DNAJB6: variants seen among roughly 807,000 people sequenced by gnomAD.
DNAJB6 encodes the protein dnaJ homolog subfamily B member 6.
Under a neutral mutation model 42.7 loss-of-function variants are expected in DNAJB6, and 16 were observed. The ratio of observed to expected loss-of-function variants is 0.37; its 90% CI spans 0.25 to 0.57. The LOEUF is 0.57. DNAJB6 is among the 20% of genes least tolerant of loss of function. DNAJB6 has a pLI of 0.74. For missense variants in DNAJB6, 347 were observed against 416.8 expected (o/e 0.83, Z 1.46); for synonymous variants, 170 against 163.5 (o/e 1.04, Z -0.30).
At chr7:157,385,802 A>T (rs1351534298) in intron 8 of DNAJB6, 191 bp downstream of exon 8, 3 of 1,343,534 alleles carry the variant, frequency 2.2e-6, no homozygotes, top group Non-Finnish European at 2.9e-6. Flanking sequence ...TATTTGTCAT[A>T]GACTTTTGAG....
chr7:157,369,242 A>G (rs577910231), intron 5 of DNAJB6: 18 of 456,476 alleles, frequency 3.9e-5, no homozygotes, highest in East Asian at 2.8e-4. Context: ...TCCTTCATCA[A>G]CCCTCACAGG....
intron 8 of DNAJB6, among the ~76,000 whole-genome samples, chr7:157,405,050 T>C (rs995792470): frequency 2.6e-5 from 4 of 152,156 alleles, no homozygotes; most frequent in African/African-American, 7.2e-5. Flanking sequence ...ACTGCAGGCA[T>C]GTTGAGCGCC....
At chr7:157,346,836 T>C (rs1334920225) in intron 1 of DNAJB6, among the ~76,000 whole-genome samples, 1 of 152,214 alleles carries the variant, frequency 6.6e-6, no homozygotes, top group Non-Finnish European at 1.5e-5. Context: ...TTTCTCTTTC[T>C]AGACCTTCAG....
At chr7:157,339,601 TTGTGTGTGTGTGTGTGTGTGTGTGTG>T (rs59577692) in intron 1 of DNAJB6, among the ~76,000 whole-genome samples, 3 of 122,326 alleles carry the variant, frequency 2.5e-5, no homozygotes, top group African/African-American at 9.3e-5. Flanking sequence ...GCCCGGCCTT[TTGTGTGTGTGTGTGTGTGTGTGTGTG>T]TGTGTGTGTG....
intron 6 of DNAJB6, among the ~76,000 whole-genome samples, chr7:157,383,887 T>G (rs1012220660): frequency 6.6e-6 from 1 of 152,226 alleles, no homozygotes; most frequent in African/African-American, 2.4e-5. Flanking sequence ...GTATTTCCAA[T>G]TGAAATATTT....
At chr7:157,359,710 TC>T (rs1359347478) in intron 2 of DNAJB6, among the ~76,000 whole-genome samples, 2 of 152,126 alleles carry the variant, frequency 1.3e-5, no homozygotes, top group African/African-American at 4.8e-5. Context: ...TCCCAACTGC[TC>T]CAGAGGCTGA....
chr7:157,407,100 G>T (rs370524982), intron 8 of DNAJB6, among the ~76,000 whole-genome samples: 5 of 151,566 alleles, frequency 3.3e-5, no homozygotes, highest in South Asian at 2.1e-4. Flanking sequence ...GCTGGGAGGT[G>T]GGGGGGGTCC....
chr7:157,415,971 A>AG, intron 9 of DNAJB6, 45 bp from the exon 10 acceptor site: 6 of 1,611,656 alleles, frequency 3.7e-6, no homozygotes, highest in Non-Finnish European at 5.1e-6. Context: ...TTGCTGGGGA[A>AG]GCAGTGCTGT....
At chr7:157,376,015 G>A (rs750169504) in intron 5 of DNAJB6, among the ~76,000 whole-genome samples, 27 of 152,258 alleles carry the variant, frequency 1.8e-4, no homozygotes, top group Non-Finnish European at 3.5e-4. Flanking sequence ...GGCCTCTCCT[G>A]GGCCGCGGCT....
At chr7:157,356,662 A>T (rs1193105664) in intron 1 of DNAJB6, among the ~76,000 whole-genome samples, 2 of 152,208 alleles carry the variant, frequency 1.3e-5, no homozygotes, top group African/African-American at 4.8e-5. Context: ...TTAATATTTT[A>T]TCTTTGTTTT....
At chr7:157,385,147 A>G (rs1800990411) in intron 7 of DNAJB6, 139 bp downstream of exon 7, 1 of 864,432 alleles carries the variant, frequency 1.2e-6, no homozygotes, top group African/African-American at 1.7e-5. Flanking sequence ...TTGCTCTCCA[A>G]ATTCATTAAT....
In DNAJB6 at chr7:157,366,675, C is replaced by T. The variant is rs1237102649; in HGVS notation, c.235+114C>T. On this transcript the variant is annotated intron_variant, in intron 4 of 9. Coordinates refer to ENST00000262177, the MANE Select transcript of DNAJB6 (RefSeq NM_058246.4). ...TTTGTATCAGTAAATAGAGATGCAACGTAGAAAGCGAACTAAATTGGGGAG... is the reference window on the plus strand; with the variant it reads ...TTTGTATCAGTAAATAGAGATGCAATGTAGAAAGCGAACTAAATTGGGGAG... 1.1e-5 allele frequency: 10 copies of T among 928,296 alleles called. No homozygotes were observed. In the East Asian group the frequency reaches 1.5e-4, roughly 14 times the overall value. The allele number at this position is 928,296 out of a possible 1,614,324, so 57.5% of individuals were successfully genotyped here.
rs187925329 is a variant in DNAJB6 at position 157,348,319 on chromosome 7, C to T, written c.-26-10228C>T. 7.8e-4 allele frequency among the ~76,000 whole-genome samples: 119 copies of T among 152,272 alleles called. 1 individual carries two copies. Among genetic ancestry groups the T allele is most frequent in the African/African-American group, 2.8e-3 (115 of 41,556 alleles). Reference sequence around the variant, plus strand: ...ATGTTGGCCAGGCTGGTCTTGAACTCCTGACCTCAAGTGATCCACCCGTCT... The same window carrying T: ...ATGTTGGCCAGGCTGGTCTTGAACTTCTGACCTCAAGTGATCCACCCGTCT... On this transcript the variant is annotated intron_variant, in intron 1 of 9. Coordinates refer to ENST00000262177, the MANE Select transcript of DNAJB6 (RefSeq NM_058246.4).
Position 157,357,280 on chromosome 7 carries a change from T to G in DNAJB6, c.-26-1267T>G, listed in dbSNP as rs1350800296. Among the ~76,000 whole-genome samples, 30 of 61,950 alleles carry G rather than the reference T, an allele frequency of 4.8e-4. 9 individuals carry two copies. The highest frequency in any genetic ancestry group is 2.8e-3 in the South Asian group (6 of 2,178). The allele number at this position is 61,950 out of a possible 152,430, so 40.6% of individuals were successfully genotyped here. ...CTTCCTTCCGTCCTTCCTTCCGTCC[T>G]TCCTTCCGTCCTTCCTTCCTTCCTT... On this transcript the variant is annotated intron_variant, in intron 1 of 9. Coordinates refer to ENST00000262177, the MANE Select transcript of DNAJB6 (RefSeq NM_058246.4).
chr7:157,408,862 C>T (rs1002739920), intron 8 of DNAJB6, among the ~76,000 whole-genome samples: 5 of 152,364 alleles, frequency 3.3e-5, no homozygotes, highest in East Asian at 3.9e-4. Flanking sequence ...TGCTGTGCCA[C>T]GGGAGGGGTC....
intron 8 of DNAJB6, among the ~76,000 whole-genome samples, chr7:157,395,193 C>G (rs971139783): frequency 6.6e-6 from 1 of 152,088 alleles, no homozygotes; most frequent in Non-Finnish European, 1.5e-5. Context: ...TACTTGAGAG[C>G]ACTACGTTTA....
chr7:157,366,678 A>G (rs1353216426), intron 4 of DNAJB6, 117 bp downstream of exon 4: 8 of 919,870 alleles, frequency 8.7e-6, no homozygotes, highest in Non-Finnish European at 1.4e-5. Context: ...GATGCAACGT[A>G]GAAAGCGAAC....
intron 5 of DNAJB6, 58 bp downstream of exon 5, chr7:157,367,541 T>G: frequency 9.9e-7 from 1 of 1,014,202 alleles, no homozygotes; most frequent in Non-Finnish European, 1.6e-6. Flanking sequence ...GAGGGCTTAC[T>G]TAGTATGGCC....
chr7:157,393,946 C>G (rs1202939716), intron 8 of DNAJB6, among the ~76,000 whole-genome samples: 1 of 152,198 alleles, frequency 6.6e-6, no homozygotes, highest in Non-Finnish European at 1.5e-5. Context: ...CCACGGTGTT[C>G]TGAGGCCTGT....
Sources: gnomAD v4.1 joint callset for allele counts (sites outside exome capture counted in the v4.1 genomes callset) on GRCh38, gnomAD v4.1.1 for gene constraint, MANE v1.5 for transcripts, NCBI Gene and HGNC (gene_info 2026-07-23, HGNC 2026-07-21) for gene names.